PVT1: variants seen among roughly 807,000 people sequenced by gnomAD.
PVT1 encodes the protein CXCR4/PVT1 fusion.
intron 2 of PVT1, among the ~76,000 whole-genome samples, chr8:127,813,581 A>G (rs1347188327): frequency 1.3e-5 from 2 of 152,026 alleles, no homozygotes; most frequent in Non-Finnish European, 2.9e-5. Context: ...CTAATAACAG[A>G]CCGTGTGGCT....
chr8:128,051,835 A>T (rs926475232), intron 4 of PVT1, among the ~76,000 whole-genome samples: 7 of 151,664 alleles, frequency 4.6e-5, no homozygotes, highest in African/African-American at 1.7e-4. Flanking sequence ...TTGTTTATGT[A>T]TTGTTTTTCT....
Position 127,809,052 on chromosome 8 carries a change from A to AAAAAAAG in PVT1, n.372+12984_372+12985insAAAGAAA, listed in dbSNP as rs1554588311. On this transcript the variant is annotated intron_variant and non_coding_transcript_variant, in intron 2 of 10. Transcript: ENST00000651587. The stretch of plus-strand genomic sequence containing the variant: ...CTCAAAAAAAAAAAAAAAAAAAAAA[A>AAAAAAAG]AAAGAAAGAAAAAAAAGAAAAAGAA... 8.4e-4 allele frequency among the ~76,000 whole-genome samples: 113 copies of AAAAAAAG among 135,080 alleles called. 3 individuals are homozygous for AAAAAAAG. Among genetic ancestry groups the AAAAAAAG allele is most frequent in the African/African-American group, 3.1e-3 (102 of 32,666 alleles). 88.6% of individuals were successfully genotyped at this position (135,080 alleles called of 152,430 possible).
chr8:127,937,991 A>T lies in PVT1; in HGVS notation n.782+46993A>T, dbSNP rs553037445. ...ACACTGGAGTCCCTCAGTTTTCCTC[A>T]TCAGGCTCCTGGTCTGATTCTTCCA... On this transcript the variant is annotated intron_variant and non_coding_transcript_variant, in intron 3 of 10. Coordinates refer to ENST00000651587, the Ensembl canonical transcript of PVT1. Among the ~76,000 whole-genome samples, 15 of 152,284 alleles carry T rather than the reference A, an allele frequency of 9.9e-5. No homozygotes were observed. In the East Asian group the frequency reaches 2.3e-3, roughly 24 times the overall value.
chr8:127,851,748 G>A (rs1297778035), intron 2 of PVT1, among the ~76,000 whole-genome samples: 1 of 152,184 alleles, frequency 6.6e-6, no homozygotes, highest in African/African-American at 2.4e-5. Context: ...GATTCATCAT[G>A]ATGCAGGCTG....
chr8:128,003,937 A>AT (rs1332072490), intron 4 of PVT1, among the ~76,000 whole-genome samples: 1 of 152,196 alleles, frequency 6.6e-6, no homozygotes, highest in Non-Finnish European at 1.5e-5. Context: ...GTGTGAACTG[A>AT]TTCAGTTTCT....
chr8:127,962,384 CAT>C (rs749286244), intron 3 of PVT1, among the ~76,000 whole-genome samples: 56 of 152,342 alleles, frequency 3.7e-4, no homozygotes, highest in African/African-American at 1.2e-3. Context: ...GTTTTTGACA[CAT>C]GTGTTCCTTC....
chr8:127,955,078 G>C (rs1452218814), intron 3 of PVT1, among the ~76,000 whole-genome samples: 2 of 152,158 alleles, frequency 1.3e-5, no homozygotes, highest in Non-Finnish European at 2.9e-5. Flanking sequence ...AATATGACTG[G>C]ATTTGAAGGT....
intron 4 of PVT1, among the ~76,000 whole-genome samples, chr8:128,014,622 G>A (rs1817351192): frequency 6.6e-6 from 1 of 152,204 alleles, no homozygotes; most frequent in Non-Finnish European, 1.5e-5. Flanking sequence ...CGGGGAAGGT[G>A]GGGACCCAGT....
At chr8:127,971,706 G>A (rs903071553) in intron 3 of PVT1, among the ~76,000 whole-genome samples, 13 of 152,146 alleles carry the variant, frequency 8.5e-5, no homozygotes, top group Non-Finnish European at 1.8e-4. Context: ...TTTCTCATCC[G>A]TAAAATGGGG....
intron 3 of PVT1, among the ~76,000 whole-genome samples, chr8:127,952,463 G>A (rs548871103): frequency 1.3e-5 from 2 of 152,240 alleles, no homozygotes; most frequent in Non-Finnish European, 2.9e-5. Context: ...TTTCCCCAGG[G>A]CTGCAAAGCC....
chr8:128,064,344 G>T (rs1287803541), intron 4 of PVT1, among the ~76,000 whole-genome samples: 1 of 152,196 alleles, frequency 6.6e-6, no homozygotes, highest in Non-Finnish European at 1.5e-5. Context: ...GCTCACGTGG[G>T]CAGAAGCACA....
At chr8:127,833,010 C>T (rs577844814) in intron 2 of PVT1, among the ~76,000 whole-genome samples, 2 of 152,140 alleles carry the variant, frequency 1.3e-5, no homozygotes, top group South Asian at 2.1e-4. Context: ...AAACAAGAAA[C>T]CTTTGAGAGG....
At chr8:128,029,031 T>TG (rs1459149830) in intron 4 of PVT1, among the ~76,000 whole-genome samples, 3 of 151,780 alleles carry the variant, frequency 2.0e-5, no homozygotes, top group African/African-American at 7.3e-5. Context: ...TTTATAGAGA[T>TG]GGGGTCTTAC....
chr8:127,848,788 C>G (rs933759044), intron 2 of PVT1, among the ~76,000 whole-genome samples: 9 of 152,352 alleles, frequency 5.9e-5, no homozygotes, highest in African/African-American at 2.2e-4. Context: ...CAATAAAGGG[C>G]TGTGGGAACA....
At chr8:128,022,575 T>C (rs1817450421) in intron 4 of PVT1, among the ~76,000 whole-genome samples, 1 of 152,234 alleles carries the variant, frequency 6.6e-6, no homozygotes. Context: ...TCCGGTTCAC[T>C]CTTGGCCTTC....
chr8:127,961,845 G>A (rs536729575), intron 3 of PVT1, among the ~76,000 whole-genome samples: 50 of 152,326 alleles, frequency 3.3e-4, no homozygotes, highest in Non-Finnish European at 6.5e-4. Context: ...CCCCCTGCCC[G>A]AGTCTGACTC....
At chr8:127,923,515 C>T (rs1816090468) in intron 3 of PVT1, among the ~76,000 whole-genome samples, 1 of 152,302 alleles carries the variant, frequency 6.6e-6, no homozygotes, top group East Asian at 1.9e-4. Flanking sequence ...GTGCTGCTGT[C>T]ACTGCCTTGG....
chr8:128,020,983 A>G (rs1308887269), intron 4 of PVT1, among the ~76,000 whole-genome samples: 1 of 152,042 alleles, frequency 6.6e-6, no homozygotes, highest in Non-Finnish European at 1.5e-5. Context: ...GCCTATAGTC[A>G]CCGCTTGGTG....
intron 5 of PVT1, among the ~76,000 whole-genome samples, chr8:128,082,553 G>T (rs1338192596): frequency 6.6e-6 from 1 of 152,180 alleles, no homozygotes; most frequent in Non-Finnish European, 1.5e-5. Context: ...TGTTCAAAGG[G>T]TTGGCAGGAG....
Sources: gnomAD v4.1 joint callset for allele counts (sites outside exome capture counted in the v4.1 genomes callset) on GRCh38, gnomAD v4.1.1 for gene constraint, MANE v1.5 for transcripts, NCBI Gene and HGNC (gene_info 2026-07-23, HGNC 2026-07-21) for gene names.